Variants in ACVR1 observed in about 807,000 individuals in gnomAD.
ACVR1 encodes the protein activin receptor type-1.
In ACVR1, 38 loss-of-function variants were observed where a neutral mutation model predicts 57.1. The observed-to-expected ratio is 0.67, with a 90% CI of 0.51 to 0.87. The LOEUF (loss-of-function observed/expected upper bound fraction) is 0.87. Ranked by LOEUF, ACVR1 falls within the 40% of genes least tolerant of loss-of-function variation. The pLI is 0.00. For missense variants in ACVR1, 463 were observed against 638.2 expected (o/e 0.73, Z 2.96); for synonymous variants, 212 against 228.1 (o/e 0.93, Z 0.63).
At chr2:157,837,793 A>T (rs1426264636) in intron 1 of ACVR1, among the ~76,000 whole-genome samples, 1 of 152,146 alleles carries the variant, frequency 6.6e-6, no homozygotes, top group Non-Finnish European at 1.5e-5. Flanking sequence ...GGGCAAAAGT[A>T]GGAGGAGAAG....
rs1688059335 is a variant in ACVR1 at position 157,819,088 on chromosome 2, A to G, written c.-182-529T>C. ...GCGAGACTCCGTCTCAAAAAAAAAA[A>G]AAAAAAAAAAAAAAACCAGTAAGAT... On this transcript the variant is annotated intron_variant, in intron 1 of 10. Coordinates refer to ENST00000434821, the MANE Select transcript of ACVR1 (RefSeq NM_001111067.4). Among the ~76,000 whole-genome samples the G allele has an allele frequency of 2.0e-5, 3 of 150,594 alleles. No homozygotes were observed. The South Asian group carries it at 6.3e-4, about 32-fold the overall frequency.
chr2:157,740,135 AGATCAGACCACTGCACTCCAGCCTGGGT>A (rs1412562354), intron 9 of ACVR1, among the ~76,000 whole-genome samples: 1 of 152,100 alleles, frequency 6.6e-6, no homozygotes, highest in Non-Finnish European at 1.5e-5. Context: ...CAATGAGCCA[AGATCAGACCACTGCACTCCAGCCTGGGT>A]GACAGAGTGA....
intron 8 of ACVR1, among the ~76,000 whole-genome samples, chr2:157,763,706 C>CA: frequency 6.6e-6 from 1 of 152,138 alleles, no homozygotes; most frequent in East Asian, 1.9e-4. Flanking sequence ...GATCCTCTCT[C>CA]AATCAATTAA....
Position 157,747,066 on chromosome 2 carries a change from T to A in ACVR1, c.1265-8496A>T, listed in dbSNP as rs1574012127. ...AGATCTATCTGGTCATCAATTTTTA[T>A]AATGCATTCAGAAACTCAAAGGATG... On this transcript the variant is annotated intron_variant, in intron 9 of 10. Coordinates refer to ENST00000434821, the MANE Select transcript of ACVR1 (RefSeq NM_001111067.4). 3.3e-5 allele frequency among the ~76,000 whole-genome samples: 5 copies of A among 152,344 alleles called. No individual in the cohort carries two copies. In the South Asian group the frequency reaches 1.0e-3, roughly 32 times the overall value.
At chr2:157,768,517 TATC>T (rs1158693299) in intron 7 of ACVR1, among the ~76,000 whole-genome samples, 2 of 152,214 alleles carry the variant, frequency 1.3e-5, no homozygotes, top group South Asian at 2.1e-4. Flanking sequence ...ACATTTTTAT[TATC>T]TCACCTTCAC....
At chr2:157,840,334 T>C (rs1688935112) in intron 1 of ACVR1, among the ~76,000 whole-genome samples, 1 of 152,188 alleles carries the variant, frequency 6.6e-6, no homozygotes, top group African/African-American at 2.4e-5. Context: ...TTCCATCACC[T>C]GCAAACGCAA....
At chr2:157,846,601 G>C (rs773997644) in intron 1 of ACVR1, among the ~76,000 whole-genome samples, 2 of 152,136 alleles carry the variant, frequency 1.3e-5, no homozygotes, top group Non-Finnish European at 2.9e-5. Context: ...GAATCAGAGA[G>C]AATCTACTAA....
At chr2:157,840,069 G>A (rs1688927204) in intron 1 of ACVR1, among the ~76,000 whole-genome samples, 1 of 152,152 alleles carries the variant, frequency 6.6e-6, no homozygotes, top group South Asian at 2.1e-4. Flanking sequence ...GATTTTACAG[G>A]AACTACTAGA....
intron 3 of ACVR1, among the ~76,000 whole-genome samples, chr2:157,784,656 T>A (rs965718212): frequency 6.6e-6 from 1 of 151,968 alleles, no homozygotes; most frequent in Non-Finnish European, 1.5e-5. Flanking sequence ...CAGCAGGGAG[T>A]TCTGACCACA....
intron 1 of ACVR1, among the ~76,000 whole-genome samples, chr2:157,863,908 C>T (rs1689822980): frequency 6.9e-6 from 1 of 144,942 alleles, no homozygotes; most frequent in Non-Finnish European, 1.5e-5. Context: ...CGCTCTGTCA[C>T]CCAGGTTGGA....
At chr2:157,756,174 T>G (rs1348821154) in intron 9 of ACVR1, among the ~76,000 whole-genome samples, 2 of 152,056 alleles carry the variant, frequency 1.3e-5, no homozygotes, top group Non-Finnish European at 2.9e-5. Flanking sequence ...TTAAGATGGA[T>G]CAAGGACTTA....
chr2:157,805,500 T>C (rs1399754560), intron 2 of ACVR1, among the ~76,000 whole-genome samples: 3 of 152,214 alleles, frequency 2.0e-5, no homozygotes, highest in Admixed American at 6.5e-5. Context: ...ACAGTTTTTT[T>C]CTTTATATAT....
chr2:157,830,847 T>G (rs996941429), intron 1 of ACVR1, among the ~76,000 whole-genome samples: 2 of 152,144 alleles, frequency 1.3e-5, no homozygotes, highest in Non-Finnish European at 2.9e-5. Context: ...CTGGCCTGCT[T>G]CCAGATGTTG....
intron 6 of ACVR1, 125 bp downstream of exon 6, chr2:157,773,963 C>T (rs1486729347): frequency 3.8e-6 from 3 of 781,590 alleles, no homozygotes; most frequent in Non-Finnish European, 6.4e-6. Flanking sequence ...ATAGAGACCA[C>T]ATCTCATAAG....
intron 3 of ACVR1, among the ~76,000 whole-genome samples, chr2:157,785,404 T>C (rs1439127040): frequency 2.0e-5 from 3 of 152,226 alleles, no homozygotes; most frequent in Non-Finnish European, 4.4e-5. Flanking sequence ...GAGCACAGTT[T>C]GGCACCTCTC....
intron 9 of ACVR1, among the ~76,000 whole-genome samples, chr2:157,752,492 A>G (rs1685243070): frequency 6.6e-6 from 1 of 152,212 alleles, no homozygotes; most frequent in African/African-American, 2.4e-5. Flanking sequence ...AAGAATTCAG[A>G]AGGTCGTTTA....
intron 1 of ACVR1, among the ~76,000 whole-genome samples, chr2:157,853,490 GA>G (rs1485839873): frequency 1.3e-5 from 2 of 152,164 alleles, no homozygotes; most frequent in African/African-American, 4.8e-5. Context: ...GCATCACACT[GA>G]GGGTCAGGGT....
chr2:157,776,269 A>G (rs1686284148), intron 5 of ACVR1, among the ~76,000 whole-genome samples: 1 of 152,242 alleles, frequency 6.6e-6, no homozygotes, highest in African/African-American at 2.4e-5. Context: ...ACAGTAATTT[A>G]TACCAGATAT....
chr2:157,839,569 T>C (rs771153300), intron 1 of ACVR1, among the ~76,000 whole-genome samples: 3 of 152,166 alleles, frequency 2.0e-5, no homozygotes, highest in Middle Eastern at 3.2e-3. Context: ...ATGTTGAGAA[T>C]AGCTGTCCAG....
Sources: gnomAD v4.1 joint callset for allele counts (sites outside exome capture counted in the v4.1 genomes callset) on GRCh38, gnomAD v4.1.1 for gene constraint, MANE v1.5 for transcripts, NCBI Gene and HGNC (gene_info 2026-07-23, HGNC 2026-07-21) for gene names.